Variants in NEGR1 observed in about 807,000 individuals in gnomAD.
NEGR1 encodes the protein neuronal growth regulator 1.
A neutral mutation model predicts 40.9 loss-of-function variants in NEGR1; 10 were observed. The observed-to-expected ratio is 0.24, with a 90% CI of 0.15 to 0.42. The LOEUF is 0.42. Among genes scored for constraint, NEGR1 ranks in the 10% least tolerant of loss-of-function variants. The pLI is 1.00. For missense variants in NEGR1, 352 were observed against 438.9 expected (o/e 0.80, Z 1.77); for synonymous variants, 185 against 166.8 (o/e 1.11, Z -0.84).
intron 4 of NEGR1, among the ~76,000 whole-genome samples, chr1:71,697,778 C>A (rs1003839779): frequency 6.6e-6 from 1 of 151,764 alleles, no homozygotes; most frequent in Non-Finnish European, 1.5e-5. Context: ...GAGTATTAAA[C>A]ACATTTCACT....
At position 71,834,300 on chromosome 1, in the gene NEGR1, G is replaced by T. The variant is rs1658939517; in HGVS notation, c.410-58003C>A. On this transcript the variant is annotated intron_variant, in intron 2 of 6. Coordinates refer to ENST00000357731, the MANE Select transcript of NEGR1 (RefSeq NM_173808.3). ...CCCCAAATTAAATATTATCCTGGAT[G>T]TGTCTTGGAAAGATGTTTCCAGATG... Among the ~76,000 whole-genome samples, 4 of 152,158 alleles carry T rather than the reference G, an allele frequency of 2.6e-5. No individual in the cohort carries two copies. In the South Asian group the frequency reaches 6.2e-4, roughly 24 times the overall value.
intron 3 of NEGR1, among the ~76,000 whole-genome samples, chr1:71,749,734 T>C (rs1393698694): frequency 6.6e-6 from 1 of 152,172 alleles, no homozygotes; most frequent in Non-Finnish European, 1.5e-5. Flanking sequence ...TGAAGAACAA[T>C]TCCTGTTCAA....
At chr1:72,027,192 C>T (rs1646818216) in intron 1 of NEGR1, among the ~76,000 whole-genome samples, 2 of 152,178 alleles carry the variant, frequency 1.3e-5, no homozygotes, top group Admixed American at 6.5e-5. Flanking sequence ...TCCCAAAGTG[C>T]TGGAATTACA....
intron 6 of NEGR1, among the ~76,000 whole-genome samples, chr1:71,498,588 G>A (rs1369014420): frequency 6.6e-6 from 1 of 152,080 alleles, no homozygotes; most frequent in African/African-American, 2.4e-5. Flanking sequence ...AGCTATGAAA[G>A]GTCCAGGCTT....
chr1:72,203,953 T>A (rs1290542825), intron 1 of NEGR1, among the ~76,000 whole-genome samples: 2 of 152,124 alleles, frequency 1.3e-5, no homozygotes, highest in African/African-American at 4.8e-5. Context: ...CTAGACATAA[T>A]GCTATTGTAC....
chr1:71,782,956 A>G (rs1460001186), intron 2 of NEGR1, among the ~76,000 whole-genome samples: 2 of 151,836 alleles, frequency 1.3e-5, no homozygotes, highest in African/African-American at 4.8e-5. Context: ...ATGGTCTGTC[A>G]CATCTTAGGT....
intron 3 of NEGR1, among the ~76,000 whole-genome samples, chr1:71,733,072 CT>C (rs1157020972): frequency 0.026 from 3,618 of 140,334 alleles, 73 homozygotes; most frequent in African/African-American, 0.055. Flanking sequence ...CAGGATAGCT[CT>C]TTTTTTTTTT....
At chr1:72,144,508 T>TA (rs1376386499) in intron 1 of NEGR1, among the ~76,000 whole-genome samples, 1 of 121,906 alleles carries the variant, frequency 8.2e-6, no homozygotes, top group African/African-American at 2.7e-5. Context: ...TCAGGACATA[T>TA]AATTAATATG....
chr1:72,234,284 C>T (rs1209766833), intron 1 of NEGR1, among the ~76,000 whole-genome samples: 1 of 152,082 alleles, frequency 6.6e-6, no homozygotes, highest in African/African-American at 2.4e-5. Context: ...TGGTCTCTGG[C>T]TCCATCCATG....
chr1:72,161,325 A>G (rs1651550498), intron 1 of NEGR1, among the ~76,000 whole-genome samples: 1 of 151,978 alleles, frequency 6.6e-6, no homozygotes. Flanking sequence ...GGTGGCTTGG[A>G]GTATTTCTGG....
intron 4 of NEGR1, among the ~76,000 whole-genome samples, chr1:71,695,593 T>C (rs1204385795): frequency 6.6e-6 from 1 of 151,814 alleles, no homozygotes; most frequent in Admixed American, 6.6e-5. Flanking sequence ...CTAGAGTGTC[T>C]GACACCCTGA....
intron 4 of NEGR1, among the ~76,000 whole-genome samples, chr1:71,632,588 TATTG>T (rs1481970486): frequency 4.6e-5 from 7 of 151,456 alleles, no homozygotes; most frequent in Non-Finnish European, 1.0e-4. Flanking sequence ...ATACACTGAA[TATTG>T]ATTGATATAG....
At chr1:72,047,347 G>C (rs1647011895) in intron 1 of NEGR1, among the ~76,000 whole-genome samples, 1 of 151,418 alleles carries the variant, frequency 6.6e-6, no homozygotes, top group African/African-American at 2.4e-5. Flanking sequence ...AGCAGAAATA[G>C]AGTTAAAATC....
At chr1:71,772,552 CAA>C in intron 3 of NEGR1, among the ~76,000 whole-genome samples, 1 of 151,820 alleles carries the variant, frequency 6.6e-6, no homozygotes. Flanking sequence ...CTGTACTAGA[CAA>C]AAAAGTATTC....
intron 1 of NEGR1, among the ~76,000 whole-genome samples, chr1:72,003,090 A>C (rs1368362678): frequency 6.6e-6 from 1 of 152,116 alleles, no homozygotes; most frequent in Non-Finnish European, 1.5e-5. Flanking sequence ...AAAAGATGGA[A>C]GGAAATTCAA....
intron 2 of NEGR1, among the ~76,000 whole-genome samples, chr1:71,898,380 C>T (rs1661029836): frequency 1.3e-5 from 2 of 152,184 alleles, no homozygotes; most frequent in African/African-American, 4.8e-5. Context: ...CTTTGGGAGG[C>T]TGAGGCGGGC....
intron 3 of NEGR1, among the ~76,000 whole-genome samples, chr1:71,772,285 T>C (rs907621713): frequency 6.6e-6 from 1 of 152,100 alleles, no homozygotes; most frequent in East Asian, 1.9e-4. Flanking sequence ...ACGCTTGCGA[T>C]CCCAGCTAGT....
chr1:72,160,231 C>A (rs1306607021), intron 1 of NEGR1, among the ~76,000 whole-genome samples: 1 of 152,080 alleles, frequency 6.6e-6, no homozygotes, highest in Non-Finnish European at 1.5e-5. Flanking sequence ...GGAGTTGATG[C>A]GTGAACAATA....
At chr1:71,637,581 T>C (rs1651197346) in intron 4 of NEGR1, among the ~76,000 whole-genome samples, 1 of 151,988 alleles carries the variant, frequency 6.6e-6, no homozygotes. Flanking sequence ...AAAATCTCTA[T>C]AAAAATTTGT....
Sources: gnomAD v4.1 joint callset for allele counts (sites outside exome capture counted in the v4.1 genomes callset) on GRCh38, gnomAD v4.1.1 for gene constraint, MANE v1.5 for transcripts, NCBI Gene and HGNC (gene_info 2026-07-23, HGNC 2026-07-21) for gene names.